Variants in DAB2 observed in about 807,000 individuals in gnomAD.
DAB2 encodes the protein disabled homolog 2.
In DAB2, 28 loss-of-function variants were observed where a neutral mutation model predicts 71.6. The observed-to-expected ratio is 0.39, with a 90% CI of 0.29 to 0.54. The LOEUF (loss-of-function observed/expected upper bound fraction) is 0.54, where lower values mean the gene tolerates loss of function less well. Ranked by LOEUF, DAB2 falls within the 20% of genes least tolerant of loss-of-function variation. The probability of loss-of-function intolerance (pLI) is 0.68; values close to 1 mark genes in which losing one functional copy is unlikely to be tolerated. For missense variants in DAB2, 867 were observed against 928.8 expected (o/e 0.93, Z 0.86); for synonymous variants, 345 against 339.7 (o/e 1.02, Z -0.17).
chr5:39,417,049 C>T (rs555220157), intron 1 of DAB2: 12 of 152,042 alleles, frequency 7.9e-5, no homozygotes, highest in African/African-American at 2.2e-4. Context: ...GCTTTAATGA[C>T]GGATCTGCTT....
chr5:39,407,002 A>C (rs1444855124), intron 1 of DAB2, among the ~76,000 whole-genome samples: 1 of 152,210 alleles, frequency 6.6e-6, no homozygotes, highest in African/African-American at 2.4e-5. Flanking sequence ...TATACAATGT[A>C]TTATGCTTGA....
chr5:39,391,025 T>C (rs2112056048), intron 4 of DAB2, among the ~76,000 whole-genome samples: 1 of 152,340 alleles, frequency 6.6e-6, no homozygotes, highest in South Asian at 2.1e-4. Flanking sequence ...GGAACCATCC[T>C]ATGTGTTATT....
intron 1 of DAB2, among the ~76,000 whole-genome samples, chr5:39,396,559 G>A (rs971800141): frequency 1.3e-5 from 2 of 151,752 alleles, no homozygotes; most frequent in East Asian, 1.9e-4. Context: ...GTATACACTG[G>A]TATGTATTAC....
chr5:39,390,789 T>C (rs1351387967), intron 4 of DAB2, among the ~76,000 whole-genome samples: 1 of 152,132 alleles, frequency 6.6e-6, no homozygotes, highest in Non-Finnish European at 1.5e-5. Context: ...GGGAAGAATG[T>C]TCCTTCTTAA....
intron 9 of DAB2, 27 bp downstream of exon 9, chr5:39,388,278 A>G (rs984509621): frequency 6.5e-7 from 1 of 1,544,438 alleles, no homozygotes; most frequent in Non-Finnish European, 8.9e-7. Context: ...ATTTTATTAC[A>G]TTGCAAATTT....
At chr5:39,398,036 C>T (rs773347843) in intron 1 of DAB2, among the ~76,000 whole-genome samples, 4 of 152,158 alleles carry the variant, frequency 2.6e-5, no homozygotes, top group Non-Finnish European at 5.9e-5. Flanking sequence ...GAATCACTGG[C>T]TGAAAAAGTG....
At chr5:39,416,210 C>A (rs111421606) in intron 1 of DAB2, among the ~76,000 whole-genome samples, 1 of 152,064 alleles carries the variant, frequency 6.6e-6, no homozygotes, top group African/African-American at 2.4e-5. Context: ...ATCTTTTCTA[C>A]ACACATAGCA....
At chr5:39,408,330 G>A (rs1299036399) in intron 1 of DAB2, 1 of 152,166 alleles carries the variant, frequency 6.6e-6, no homozygotes, top group Non-Finnish European at 1.5e-5. Context: ...ATTCGAATAT[G>A]TTGTCTCTAG....
At chr5:39,412,971 A>G (rs904313240) in intron 1 of DAB2, among the ~76,000 whole-genome samples, 1 of 152,166 alleles carries the variant, frequency 6.6e-6, no homozygotes, top group African/African-American at 2.4e-5. Context: ...GCTATAATAT[A>G]GGGCCTGTGC....
rs1175417082 is a variant in DAB2 at position 39,390,486 on chromosome 5, T to C, written c.420A>G (p.Gly140=). The part of the protein sequence containing the change: ...DNRAFGYVCG[G]EGQHQFFAIK... Reference sequence around the variant, plus strand: ...TGGCAAAAAACTGATGCTGGCCTTCTCCTCCACACACGTAACCAAATGCCC... The same window carrying C: ...TGGCAAAAAACTGATGCTGGCCTTCCCCTCCACACACGTAACCAAATGCCC... The change falls in exon 5 of 15, where the codon GGA becomes GGG. Residue 140 remains glycine, a synonymous_variant. Transcript: ENST00000320816. 2.5e-6 allele frequency: 4 copies of C among 1,613,910 alleles called. No homozygotes were observed. In the South Asian group the frequency reaches 4.4e-5, roughly 18 times the overall value.
chr5:39,393,880 G>A (rs1256630842), intron 2 of DAB2, among the ~76,000 whole-genome samples: 1 of 152,110 alleles, frequency 6.6e-6, no homozygotes, highest in Non-Finnish European at 1.5e-5. Context: ...CTTTTACAAG[G>A]TCTGTGTAGT....
Position 39,376,843 on chromosome 5 carries a change from G to A in DAB2, c.1944C>T (p.Ile648=), listed in dbSNP as rs907379715. ...TALDPLGDKE[I]KDVKEMFKDF... is the part of the protein sequence containing the mutation. Reference sequence around the variant, plus strand: ...CCTTAAACATTTCTTTCACATCCTTGATCTCTTTATCCCCAAGTGGGTCTA... The same window carrying A: ...CCTTAAACATTTCTTTCACATCCTTAATCTCTTTATCCCCAAGTGGGTCTA... Residue 648 remains isoleucine, a synonymous_variant, in exon 12 of 15, where the codon ATC becomes ATT. Transcript: ENST00000320816. 22 of 1,614,006 alleles carry A rather than the reference G, an allele frequency of 1.4e-5. No homozygotes were observed. Among genetic ancestry groups the A allele is most frequent in the Non-Finnish European group, 1.7e-5 (20 of 1,180,026 alleles).
intron 1 of DAB2, among the ~76,000 whole-genome samples, chr5:39,421,283 A>G (rs1299987090): frequency 1.3e-5 from 2 of 152,226 alleles, no homozygotes; most frequent in Non-Finnish European, 1.5e-5. Context: ...CAGTTTTCAC[A>G]AAGACACTTA....
intron 9 of DAB2, among the ~76,000 whole-genome samples, chr5:39,385,924 C>A (rs1240281712): frequency 6.6e-6 from 1 of 152,206 alleles, no homozygotes; most frequent in Non-Finnish European, 1.5e-5. Context: ...AATTCAGATT[C>A]TTTACAAAGC....
chr5:39,384,890 G>T (rs1456131124), intron 9 of DAB2, among the ~76,000 whole-genome samples: 1 of 151,850 alleles, frequency 6.6e-6, no homozygotes, highest in African/African-American at 2.4e-5. Flanking sequence ...TAAATATTTT[G>T]ATCATTGGGG....
At chr5:39,400,246 T>C (rs74325594) in intron 1 of DAB2, among the ~76,000 whole-genome samples, 2 of 151,590 alleles carry the variant, frequency 1.3e-5, no homozygotes, top group East Asian at 1.9e-4. Flanking sequence ...TTTTTTTTTT[T>C]CTTGAGATAG....
chr5:39,375,521 C>T (rs1324855980), intron 13 of DAB2, among the ~76,000 whole-genome samples: 1 of 152,058 alleles, frequency 6.6e-6, no homozygotes, highest in African/African-American at 2.4e-5. Flanking sequence ...AATCTTTCTC[C>T]AGTTTAAATG....
intron 1 of DAB2, among the ~76,000 whole-genome samples, chr5:39,420,558 C>A (rs1331268248): frequency 1.3e-5 from 2 of 152,160 alleles, no homozygotes; most frequent in African/African-American, 4.8e-5. Flanking sequence ...AGTTAAAAAT[C>A]ACTTGCCCCT....
chr5:39,399,745 T>G (rs561479303), intron 1 of DAB2, among the ~76,000 whole-genome samples: 1 of 152,348 alleles, frequency 6.6e-6, no homozygotes, highest in African/African-American at 2.4e-5. Flanking sequence ...GACTATGGGC[T>G]TTGCAATAAT....
Sources: gnomAD v4.1 joint callset for allele counts (sites outside exome capture counted in the v4.1 genomes callset) on GRCh38, gnomAD v4.1.1 for gene constraint, MANE v1.5 for transcripts, NCBI Gene and HGNC (gene_info 2026-07-23, HGNC 2026-07-21) for gene names.